ZEB1: variants seen among roughly 807,000 people sequenced by gnomAD.
ZEB1 encodes zinc finger E-box-binding homeobox 1.
A neutral mutation model predicts 84.9 loss-of-function variants in ZEB1; 21 were observed. The ratio of observed to expected loss-of-function variants is 0.25; its 90% confidence interval spans 0.18 to 0.36. ZEB1 has a LOEUF of 0.36. ZEB1 is among the 10% of genes least tolerant of loss of function. ZEB1 has a pLI of 1.00. For synonymous variants in ZEB1, 420 were observed against 471.1 expected (o/e 0.89, Z 1.41); for missense variants, 1,104 against 1,330.2 (o/e 0.83, Z 2.65).
intron 1 of ZEB1, among the ~76,000 whole-genome samples, chr10:31,422,870 G>T (rs1339190793): frequency 6.6e-6 from 1 of 151,716 alleles, no homozygotes; most frequent in Non-Finnish European, 1.5e-5. Context: ...CAATCTTTAT[G>T]TCTATGTGTG....
chr10:31,442,862 T>C (rs1294519039), intron 1 of ZEB1, among the ~76,000 whole-genome samples: 1 of 152,218 alleles, frequency 6.6e-6, no homozygotes, highest in East Asian at 1.9e-4. Context: ...GTGCTCACAG[T>C]CATGACAAGA....
chr10:31,414,408 T>C (rs2054848758), intron 1 of ZEB1, among the ~76,000 whole-genome samples: 1 of 152,196 alleles, frequency 6.6e-6, no homozygotes, highest in Admixed American at 6.5e-5. Context: ...ATGAAATTGA[T>C]TGTCAGGTGT....
At chr10:31,412,225 A>G (rs544976575) in intron 1 of ZEB1, among the ~76,000 whole-genome samples, 1 of 152,164 alleles carries the variant, frequency 6.6e-6, no homozygotes, top group African/African-American at 2.4e-5. Flanking sequence ...TTATGATGTC[A>G]CTTGTAGAAT....
chr10:31,367,135 A>G (rs577160937), intron 1 of ZEB1, among the ~76,000 whole-genome samples: 2 of 152,116 alleles, frequency 1.3e-5, no homozygotes, highest in African/African-American at 4.8e-5. Context: ...GGGTTTGGGG[A>G]TAAGTTGTGT....
In ZEB1 at chr10:31,360,933, T is replaced by C. The variant is rs527865096; in HGVS notation, c.58+41641T>C. 3.8e-4 allele frequency: 606 copies of C among 1,576,378 alleles called. 3 individuals are homozygous for C. Among genetic ancestry groups the C allele is most frequent in the South Asian group, 1.1e-3 (98 of 90,526 alleles). On this transcript the variant is annotated intron_variant, in intron 1 of 8. Coordinates refer to ENST00000424869, the MANE Select transcript of ZEB1 (RefSeq NM_001174096.2). ...TGCATGGATGCTCTAATAAATTGCA[T>C]GTCTGGAGGAAGCAGCTAACTATGG...
rs908993475 is a variant in ZEB1, at chr10:31,454,054, A to G, written c.59-6983A>G. Among the ~76,000 whole-genome samples the G allele has an allele frequency of 3.8e-4, 58 of 152,204 alleles. 1 individual carries two copies. Among genetic ancestry groups the G allele is most frequent in the African/African-American group, 1.4e-3 (56 of 41,452 alleles). ...AATCTAGCAGGACATCAAAAAGCTT[A>G]TCCACCACGATCAAATCAGCTTCAT... On this transcript the variant is annotated intron_variant, in intron 1 of 8. Transcript: ENST00000424869.
intron 5 of ZEB1, among the ~76,000 whole-genome samples, chr10:31,513,685 T>C (rs2070530995): frequency 6.6e-6 from 1 of 152,150 alleles, no homozygotes; most frequent in Admixed American, 6.5e-5. Flanking sequence ...AGAATCTTAG[T>C]AGTCAAAATT....
At chr10:31,525,118 A>T (rs911761559) in intron 8 of ZEB1, among the ~76,000 whole-genome samples, 2 of 152,234 alleles carry the variant, frequency 1.3e-5, no homozygotes, top group African/African-American at 4.8e-5. Flanking sequence ...GTGAAAGTCA[A>T]ATATCAGCAT....
intron 1 of ZEB1, among the ~76,000 whole-genome samples, chr10:31,342,704 T>C (rs1210643668): frequency 6.6e-6 from 1 of 152,208 alleles, no homozygotes; most frequent in East Asian, 1.9e-4. Flanking sequence ...ATTTCAATTC[T>C]AGCTTTTTAA....
intron 1 of ZEB1, among the ~76,000 whole-genome samples, chr10:31,332,970 T>G (rs540038562): frequency 6.6e-6 from 1 of 152,322 alleles, no homozygotes; most frequent in South Asian, 2.1e-4. Flanking sequence ...TTAACCTGCC[T>G]ATGTATTATC....
At chr10:31,395,192 C>T (rs1367511242) in intron 1 of ZEB1, among the ~76,000 whole-genome samples, 1 of 152,134 alleles carries the variant, frequency 6.6e-6, no homozygotes, top group Non-Finnish European at 1.5e-5. Flanking sequence ...AGTGTGCTAA[C>T]AAATAGTTCT....
intron 1 of ZEB1, among the ~76,000 whole-genome samples, chr10:31,419,625 A>G (rs889838730): frequency 1.3e-5 from 2 of 152,076 alleles, no homozygotes; most frequent in African/African-American, 4.8e-5. Context: ...ATCTCAAATT[A>G]TTTGCACTTT....
intron 1 of ZEB1, among the ~76,000 whole-genome samples, chr10:31,439,303 G>A (rs142041213): frequency 1.3e-5 from 2 of 152,252 alleles, no homozygotes; most frequent in Non-Finnish European, 2.9e-5. Flanking sequence ...ATAAACATAT[G>A]TATGCATATT....
At chr10:31,371,322 T>G (rs1435567122) in intron 1 of ZEB1, among the ~76,000 whole-genome samples, 1 of 152,172 alleles carries the variant, frequency 6.6e-6, no homozygotes, top group Non-Finnish European at 1.5e-5. Context: ...GAAAGCCTTA[T>G]TTTTTGGTGG....
intron 1 of ZEB1, among the ~76,000 whole-genome samples, chr10:31,448,573 A>G (rs1405755606): frequency 1.3e-5 from 2 of 150,692 alleles, no homozygotes; most frequent in African/African-American, 4.9e-5. Flanking sequence ...GATGATGGTG[A>G]TGTACAGATG....
intron 1 of ZEB1, among the ~76,000 whole-genome samples, chr10:31,443,192 C>T (rs932045978): frequency 2.6e-5 from 4 of 152,130 alleles, no homozygotes; most frequent in Non-Finnish European, 4.4e-5. Flanking sequence ...GTGCGAATTG[C>T]TTGTGCATAT....
At position 31,503,473 on chromosome 10, in the gene ZEB1, T is replaced by C. The variant is rs200273107; in HGVS notation, c.484+964T>C. 8.5e-5 allele frequency among the ~76,000 whole-genome samples: 13 copies of C among 152,244 alleles called. No homozygotes were observed. In the East Asian group the frequency reaches 1.9e-3, roughly 23 times the overall value. ...GTATATGCCACATTTGCTTCATCCA[T>C]TGATGTACACTGAGGTTGATTCCAT... On this transcript the variant is annotated intron_variant, in intron 4 of 8. Coordinates refer to ENST00000424869, the MANE Select transcript of ZEB1 (RefSeq NM_001174096.2).
chr10:31,363,107 G>T (rs1382621846), intron 1 of ZEB1: 2 of 1,533,846 alleles, frequency 1.3e-6, no homozygotes, highest in African/African-American at 2.7e-5. Flanking sequence ...GCAGCTCTGG[G>T]TGGAGAAGAC....
intron 4 of ZEB1, among the ~76,000 whole-genome samples, chr10:31,506,206 A>T (rs757508957): frequency 1.3e-5 from 2 of 152,040 alleles, no homozygotes; most frequent in African/African-American, 4.8e-5. Flanking sequence ...ATCCTAGAGT[A>T]TGTTCTGTGT....
Sources: gnomAD v4.1 joint callset for allele counts (sites outside exome capture counted in the v4.1 genomes callset) on GRCh38, gnomAD v4.1.1 for gene constraint, MANE v1.5 for transcripts, NCBI Gene and HGNC (gene_info 2026-07-23, HGNC 2026-07-21) for gene names.